The following PLAT variants were observed in gnomAD, a reference collection of about 807,000 sequenced individuals.
PLAT encodes the protein plasminogen activator, tissue type, also known as tissue-type plasminogen activator.
Under a neutral mutation model 74.9 loss-of-function variants are expected in PLAT, and 48 were observed. The observed-to-expected ratio is 0.64, with a 90% CI of 0.51 to 0.82. PLAT has a LOEUF of 0.82. PLAT is among the 40% of genes least tolerant of loss of function. The pLI is 0.00. For synonymous variants in PLAT, 307 were observed against 294.4 expected, an observed-to-expected ratio of 1.04 and a Z score of -0.44; for missense variants, 673 against 736.2, an observed-to-expected ratio of 0.91 and a Z score of 0.99.
chr8:42,203,738 G>A (rs1806219030), intron 1 of PLAT, among the ~76,000 whole-genome samples: 1 of 152,136 alleles, frequency 6.6e-6, no homozygotes, highest in African/African-American at 2.4e-5. Flanking sequence ...GCCATGGCAA[G>A]AGGGTTGCTT....
intron 1 of PLAT, among the ~76,000 whole-genome samples, chr8:42,204,822 A>C (rs1360958635): frequency 6.6e-6 from 1 of 152,010 alleles, no homozygotes; most frequent in Non-Finnish European, 1.5e-5. Context: ...GTTCGAGACC[A>C]GCCTGATCAA....
At chr8:42,194,197 T>C (rs1805806425) in intron 1 of PLAT, among the ~76,000 whole-genome samples, 1 of 148,946 alleles carries the variant, frequency 6.7e-6, no homozygotes, top group Non-Finnish European at 1.5e-5. Flanking sequence ...ACTTCAGGCA[T>C]GTGCCACTGT....
rs1325440261 is a variant in PLAT at position 42,187,969 on chromosome 8, G to C, written c.301C>G (p.Leu101Val). The change falls in exon 5 of 14, where the codon CTG becomes GTG. Residue 101 changes from leucine (L) to valine (V), a missense_variant. Transcript: ENST00000220809. ...TGGCACACGAAATCTGAGAAGTACA[G>C]GGCCTGCTGGCAGGTGCCCCCGTTG... Reference protein sequence around the residue: ...CFNGGTCQQALYFSDFVCQCP... With the variant: ...CFNGGTCQQAVYFSDFVCQCP... 1 of 1,613,736 alleles carries C rather than the reference G, an allele frequency of 6.2e-7. No individual in the cohort carries two copies. Among genetic ancestry groups the C allele is most frequent in the African/African-American group, 1.3e-5 (1 of 74,916 alleles).
rs189641664 is a variant in PLAT at position 42,185,225 on chromosome 8, C to T, written c.540-53G>A. ...GGGTAGGTCAAAGGTGAAGCCTCTC[C>T]TTTAGGACCCAAGGACTTTGGTATC... On this transcript the variant is annotated intron_variant, in intron 6 of 13. Transcript: ENST00000220809. 132 of 1,140,004 alleles carry T rather than the reference C, an allele frequency of 1.2e-4. No homozygotes were observed. In the East Asian group the frequency reaches 3.1e-3, roughly 27 times the overall value. 70.6% of individuals were successfully genotyped at this position (1,140,004 alleles called of 1,614,324 possible). A position where few individuals can be genotyped will look rare whatever the true frequency, so the allele number is the denominator to read the frequency against.
In PLAT at chr8:42,175,880, C is replaced by T. The variant is rs1804948583; in HGVS notation, c.*113G>A. On this transcript the variant is annotated 3_prime_UTR_variant, in exon 14 of 14. Transcript: ENST00000220809. ...TCTCCTGTAGGGTCTCGTCCCGCTT[C>T]TGCGGTGTGGTGGGTCTGGAGAAGT... The T allele has an allele frequency of 2.0e-6, 2 of 1,012,568 alleles. No individual in the cohort carries two copies. The highest frequency in any genetic ancestry group is 3.2e-5 in the African/African-American group (2 of 62,664). 62.7% of individuals were successfully genotyped at this position (1,012,568 alleles called of 1,614,324 possible). A position where few individuals can be genotyped will look rare whatever the true frequency, so the allele number is the denominator to read the frequency against.
chr8:42,199,187 G>A (rs1391101958), intron 1 of PLAT, among the ~76,000 whole-genome samples: 1 of 152,172 alleles, frequency 6.6e-6, no homozygotes, highest in African/African-American at 2.4e-5. Flanking sequence ...TTTTCGAAAA[G>A]GTGATTTTCT....
intron 12 of PLAT, 85 bp downstream of exon 12, chr8:42,179,841 C>T (rs1425251921): frequency 1.5e-6 from 2 of 1,373,958 alleles, no homozygotes; most frequent in Non-Finnish European, 1.9e-6. Context: ...GAACTTCGGT[C>T]TCCTGACCCC....
intron 1 of PLAT, among the ~76,000 whole-genome samples, chr8:42,197,113 T>C: frequency 6.6e-6 from 1 of 152,210 alleles, no homozygotes; most frequent in Middle Eastern, 3.2e-3. Context: ...TTCAGCAGTC[T>C]CAGGGCATGG....
rs923213394 is a variant in PLAT, at chr8:42,179,163, G to A, written c.1364-100C>T. On this transcript the variant is annotated intron_variant, in intron 12 of 13. Transcript: ENST00000220809. The stretch of plus-strand genomic sequence containing the variant: ...TCCAATAATAGCTAACATTGATCAA[G>A]ATTCAACATGTATTAGGTCGAATCC... The A allele has an allele frequency of 6.5e-6, 5 of 770,872 alleles. No individual in the cohort carries two copies. In the South Asian group the frequency reaches 8.5e-5, roughly 13 times the overall value. The allele number at this position is 770,872 out of a possible 1,614,324, so 47.8% of individuals were successfully genotyped here.
rs78111869 is a variant in PLAT, at chr8:42,188,421, G to T, written c.254-405C>A. ...TATAGATGAGGAAACTGAGGCAAGC[G>T]GGCATTTGCCCAAGGTCACTTGGTC... On this transcript the variant is annotated intron_variant, in intron 4 of 13. Coordinates refer to ENST00000220809, the MANE Select transcript of PLAT (RefSeq NM_000930.5). The T allele has an allele frequency of 2.9e-3, 499 of 171,116 alleles. 4 individuals carry two copies. The highest frequency in any genetic ancestry group is 0.011 in the African/African-American group (475 of 42,172). The allele number at this position is 171,116 out of a possible 1,614,324, so 10.6% of individuals were successfully genotyped here.
chr8:42,180,469 A>T, intron 10 of PLAT, 21 bp downstream of exon 10: 2 of 1,613,878 alleles, frequency 1.2e-6, no homozygotes, highest in Non-Finnish European at 1.7e-6. Flanking sequence ...GGAAAAACCA[A>T]CTGGGTTTCC....
At chr8:42,192,562 C>T (rs2129772087) in intron 2 of PLAT, among the ~76,000 whole-genome samples, 1 of 152,036 alleles carries the variant, frequency 6.6e-6, no homozygotes, top group South Asian at 2.1e-4. Context: ...AATAATACAA[C>T]AATAAAAATA....
At chr8:42,194,859 G>A (rs1016288806) in intron 1 of PLAT, among the ~76,000 whole-genome samples, 3 of 145,840 alleles carry the variant, frequency 2.1e-5, no homozygotes, top group African/African-American at 7.6e-5. Context: ...ATCCGGCAAT[G>A]TGCATATTTG....
rs563639634 is a variant in PLAT, at chr8:42,179,825, G to T, written c.1363+101C>A. The T allele has an allele frequency of 7.4e-6, 9 of 1,222,214 alleles. No homozygotes were observed. The African/African-American group carries it at 1.2e-4, about 17-fold the overall frequency. 75.7% of individuals were successfully genotyped at this position (1,222,214 alleles called of 1,614,324 possible). Reference sequence around the variant, plus strand: ...GGGACTGGCGTCAGTGCCTGACCCGGGGCTGGAACTTCGGTCTCCTGACCC... The same window carrying T: ...GGGACTGGCGTCAGTGCCTGACCCGTGGCTGGAACTTCGGTCTCCTGACCC... On this transcript the variant is annotated intron_variant, in intron 12 of 13. Coordinates refer to ENST00000220809, the MANE Select transcript of PLAT (RefSeq NM_000930.5).
chr8:42,186,487 C>T (rs1165505416), intron 6 of PLAT: 1 of 152,156 alleles, frequency 6.6e-6, no homozygotes, highest in Non-Finnish European at 1.5e-5. Context: ...CCAACTTTCC[C>T]GACCAAACCG....
intron 1 of PLAT, among the ~76,000 whole-genome samples, chr8:42,194,790 G>GC (rs1805841620): frequency 1.6e-5 from 1 of 63,896 alleles, no homozygotes; most frequent in Non-Finnish European, 3.4e-5. Context: ...CAACCTCCAC[G>GC]CCCACCCCCC....
chr8:42,195,554 C>G (rs1426661189), intron 1 of PLAT: 2 of 152,248 alleles, frequency 1.3e-5, no homozygotes, highest in Non-Finnish European at 2.9e-5. Flanking sequence ...GTGCTACTCC[C>G]TGGCTCCAGG....
chr8:42,181,207 C>A (rs1293664460), intron 9 of PLAT, among the ~76,000 whole-genome samples: 1 of 152,208 alleles, frequency 6.6e-6, no homozygotes, highest in Admixed American at 6.5e-5. Flanking sequence ...TGTGTCTCAT[C>A]GTCCCAGTTG....
At chr8:42,179,541 G>A (rs1805126088) in intron 12 of PLAT, among the ~76,000 whole-genome samples, 1 of 152,152 alleles carries the variant, frequency 6.6e-6, no homozygotes, top group Admixed American at 6.5e-5. Flanking sequence ...TACCAACGAG[G>A]AAACTGAGGC....
Sources: gnomAD v4.1 joint callset for allele counts (sites outside exome capture counted in the v4.1 genomes callset) on GRCh38, gnomAD v4.1.1 for gene constraint, MANE v1.5 for transcripts, NCBI Gene and HGNC (gene_info 2026-07-23, HGNC 2026-07-21) for gene names.